Variants in NALCN observed in about 807,000 individuals in gnomAD.
The protein encoded by NALCN is sodium leak channel, non-selective, also known as sodium leak channel NALCN.
NALCN carries 111 observed loss-of-function variants against 225.3 expected under a neutral mutation model. The ratio of observed to expected loss-of-function variants is 0.49; its 90% CI spans 0.42 to 0.58. NALCN has a LOEUF of 0.58. Ranked by LOEUF, NALCN falls within the 20% of genes least tolerant of loss-of-function variation. The probability of loss-of-function intolerance (pLI) is 0.00; values close to 1 mark genes in which losing one functional copy is unlikely to be tolerated. For missense variants in NALCN, 1,378 were observed against 2,202.4 expected (o/e 0.63, Z 7.49); for synonymous variants, 764 against 769.0 (o/e 0.99, Z 0.11).
Position 101,095,511 on chromosome 13 carries a change from T to C in NALCN, c.3269+63A>G. 2 of 1,338,154 alleles carry C rather than the reference T, an allele frequency of 1.5e-6. 1 individual carries two copies. The highest frequency in any genetic ancestry group is 2.6e-5 in the South Asian group (2 of 78,154). 82.9% of individuals were successfully genotyped at this position (1,338,154 alleles called of 1,614,324 possible). On this transcript the variant is annotated intron_variant, in intron 28 of 43. Coordinates refer to ENST00000251127, the MANE Select transcript of NALCN (RefSeq NM_052867.4). Reference sequence around the variant, plus strand: ...TTTTAGTTACATGCCATATGATACTTATTTAAAGCCTTATACTGACAAACA... The same window carrying C: ...TTTTAGTTACATGCCATATGATACTCATTTAAAGCCTTATACTGACAAACA...
chr13:101,055,781 G>A (rs1199585026), intron 43 of NALCN, among the ~76,000 whole-genome samples: 1 of 151,904 alleles, frequency 6.6e-6, no homozygotes, highest in Non-Finnish European at 1.5e-5. Context: ...TTCCAATTCG[G>A]GAACTATTAA....
intron 11 of NALCN, among the ~76,000 whole-genome samples, chr13:101,249,851 T>A (rs983429392): frequency 6.6e-6 from 1 of 152,004 alleles, no homozygotes; most frequent in Non-Finnish European, 1.5e-5. Flanking sequence ...ATGTCCACTA[T>A]CACTGCCTCT....
intron 5 of NALCN, 42 bp downstream of exon 5, chr13:101,376,875 T>A (rs775324304): frequency 6.2e-7 from 1 of 1,612,920 alleles, no homozygotes; most frequent in Non-Finnish European, 8.5e-7. Context: ...ACAAAAAACT[T>A]CATAAACTTT....
intron 10 of NALCN, among the ~76,000 whole-genome samples, chr13:101,259,310 T>TA (rs2042338506): frequency 6.6e-6 from 1 of 151,856 alleles, no homozygotes; most frequent in South Asian, 2.1e-4. Context: ...AATTAAACAT[T>TA]AAAAAATAAT....
chr13:101,352,858 AG>A (rs1594727578), intron 6 of NALCN, among the ~76,000 whole-genome samples: 1 of 152,222 alleles, frequency 6.6e-6, no homozygotes, highest in East Asian at 1.9e-4. Flanking sequence ...AAACAGGCTA[AG>A]GATTACTTCT....
chr13:101,175,281 A>C (rs1350010532), intron 15 of NALCN, among the ~76,000 whole-genome samples: 1 of 150,416 alleles, frequency 6.6e-6, no homozygotes, highest in Non-Finnish European at 1.5e-5. Flanking sequence ...CCTTGTTGAT[A>C]CCCTCTGTTA....
chr13:101,060,275 G>GCTTTTTTTT (rs1555373024), intron 41 of NALCN, among the ~76,000 whole-genome samples: 1 of 79,854 alleles, frequency 1.3e-5, no homozygotes, highest in Non-Finnish European at 2.3e-5. Flanking sequence ...GGTGTTTTCT[G>GCTTTTTTTT]TTTTTTTTTT....
chr13:101,202,556 T>A (rs1369637121), intron 13 of NALCN, among the ~76,000 whole-genome samples: 1 of 152,154 alleles, frequency 6.6e-6, no homozygotes, highest in Non-Finnish European at 1.5e-5. Context: ...TCTCTCTGTC[T>A]TTTTTTGTGA....
chr13:101,314,583 C>T (rs1469564455), intron 7 of NALCN, among the ~76,000 whole-genome samples: 10 of 152,146 alleles, frequency 6.6e-5, no homozygotes, highest in Non-Finnish European at 1.2e-4. Context: ...GCTGTACATA[C>T]CACAGCACCT....
Position 101,393,813 on chromosome 13 carries a change from C to T in NALCN, c.291+1370G>A, listed in dbSNP as rs186833460. Among the ~76,000 whole-genome samples the T allele has an allele frequency of 3.4e-4, 51 of 152,110 alleles. No individual in the cohort carries two copies. In the East Asian group the frequency reaches 7.0e-3, roughly 21 times the overall value. ...CAAAAGTGAACCTCCCTCCCAAAAACGAAAACAAAAACAATCAAGTATACT... is the reference window on the plus strand; with the variant it reads ...CAAAAGTGAACCTCCCTCCCAAAAATGAAAACAAAAACAATCAAGTATACT... On this transcript the variant is annotated intron_variant, in intron 3 of 43. Coordinates refer to ENST00000251127, the MANE Select transcript of NALCN (RefSeq NM_052867.4).
intron 7 of NALCN, among the ~76,000 whole-genome samples, chr13:101,293,311 A>C (rs2043618085): frequency 6.6e-6 from 1 of 152,198 alleles, no homozygotes; most frequent in Non-Finnish European, 1.5e-5. Flanking sequence ...TTAATGACTT[A>C]ATTCCTGTAA....
At chr13:101,412,776 C>T (rs557751686) in intron 1 of NALCN, among the ~76,000 whole-genome samples, 1 of 152,292 alleles carries the variant, frequency 6.6e-6, no homozygotes, top group Non-Finnish European at 1.5e-5. Flanking sequence ...CTTCCTTTAC[C>T]TGTGGGGGTA....
intron 13 of NALCN, among the ~76,000 whole-genome samples, chr13:101,219,592 ACACT>A (rs2040861410): frequency 6.6e-6 from 1 of 152,174 alleles, no homozygotes; most frequent in South Asian, 2.1e-4. Context: ...ATCATTCCTA[ACACT>A]CACAGGCTGT....
At chr13:101,384,186 C>CATATTTTGCA (rs2046923385) in intron 3 of NALCN, among the ~76,000 whole-genome samples, 1 of 152,046 alleles carries the variant, frequency 6.6e-6, no homozygotes, top group South Asian at 2.1e-4. Context: ...CAACCAGAAG[C>CATATTTTGCA]TAACACATAT....
At chr13:101,412,300 T>C (rs2047812021) in intron 1 of NALCN, among the ~76,000 whole-genome samples, 1 of 152,248 alleles carries the variant, frequency 6.6e-6, no homozygotes, top group Non-Finnish European at 1.5e-5. Context: ...CTTCCATCTA[T>C]ATCATTCTCT....
intron 15 of NALCN, among the ~76,000 whole-genome samples, chr13:101,165,415 G>A (rs1443647112): frequency 6.6e-6 from 1 of 152,156 alleles, no homozygotes; most frequent in African/African-American, 2.4e-5. Context: ...TTAAATAAAA[G>A]AAATTAATTG....
intron 28 of NALCN, among the ~76,000 whole-genome samples, chr13:101,092,468 C>T (rs918245235): frequency 6.6e-6 from 1 of 152,192 alleles, no homozygotes; most frequent in African/African-American, 2.4e-5. Context: ...CATAGAGTTG[C>T]CTTAACTTGT....
At chr13:101,169,581 C>T (rs1212382998) in intron 15 of NALCN, among the ~76,000 whole-genome samples, 1 of 152,192 alleles carries the variant, frequency 6.6e-6, no homozygotes, top group African/African-American at 2.4e-5. Context: ...AGAAAATATG[C>T]TGATCTAAAA....
intron 11 of NALCN, among the ~76,000 whole-genome samples, chr13:101,250,983 A>T (rs938343619): frequency 2.6e-5 from 4 of 152,118 alleles, no homozygotes; most frequent in African/African-American, 9.6e-5. Flanking sequence ...TAAGAAACTT[A>T]AAAATCCTGA....
Sources: allele counts gnomAD v4.1 joint callset (sites outside exome capture counted in the v4.1 genomes callset), GRCh38; gene constraint gnomAD v4.1.1; transcripts MANE v1.5; gene names NCBI Gene and HGNC (gene_info 2026-07-23, HGNC 2026-07-21).